BMPR1B: variants seen among roughly 807,000 people sequenced by gnomAD.
BMPR1B encodes the protein bone morphogenetic protein receptor type-1B.
In BMPR1B, 12 loss-of-function variants were observed where a neutral mutation model predicts 59.1. The observed-to-expected ratio is 0.20, with a 90% CI of 0.13 to 0.33. The LOEUF is 0.33. BMPR1B is among the 10% of genes least tolerant of loss of function. The pLI, the probability that BMPR1B is intolerant of heterozygous loss-of-function variation, is 1.00. For synonymous variants in BMPR1B, 237 were observed against 207.3 expected, an observed-to-expected ratio of 1.14 and a Z score of -1.23; for missense variants, 550 against 610.9, an observed-to-expected ratio of 0.90 and a Z score of 1.05.
intron 3 of BMPR1B, among the ~76,000 whole-genome samples, chr4:95,067,587 T>C (rs1196970588): frequency 6.6e-6 from 1 of 152,186 alleles, no homozygotes; most frequent in Admixed American, 6.5e-5. Context: ...TGAACAGCAT[T>C]AACAAAATAT....
intron 3 of BMPR1B, among the ~76,000 whole-genome samples, chr4:95,101,891 A>G (rs1730851038): frequency 6.6e-6 from 1 of 152,174 alleles, no homozygotes; most frequent in South Asian, 2.1e-4. Context: ...CTTTTATTTT[A>G]GTGTCTCCTC....
chr4:95,024,292 T>G (rs1724200664), intron 3 of BMPR1B, among the ~76,000 whole-genome samples: 1 of 152,212 alleles, frequency 6.6e-6, no homozygotes, highest in African/African-American at 2.4e-5. Context: ...AAATTATTGA[T>G]CTTGACAATT....
intron 3 of BMPR1B, among the ~76,000 whole-genome samples, chr4:95,038,961 C>T (rs887777098): frequency 6.6e-6 from 1 of 152,148 alleles, no homozygotes; most frequent in Admixed American, 6.5e-5. Flanking sequence ...TAACTCACTG[C>T]TTGACTAAAT....
chr4:94,805,317 CAG>C (rs1449641304), intron 1 of BMPR1B, among the ~76,000 whole-genome samples: 1 of 151,398 alleles, frequency 6.6e-6, no homozygotes, highest in Non-Finnish European at 1.5e-5. Context: ...CACTGACACT[CAG>C]GGAATCTGAT....
intron 1 of BMPR1B, among the ~76,000 whole-genome samples, chr4:94,768,452 AT>A (rs1404082296): frequency 6.6e-6 from 1 of 152,150 alleles, no homozygotes; most frequent in East Asian, 1.9e-4. Flanking sequence ...TCCTAACAAT[AT>A]AGGAATGTTC....
At chr4:94,977,054 G>C (rs1049359801) in intron 2 of BMPR1B, among the ~76,000 whole-genome samples, 4 of 152,074 alleles carry the variant, frequency 2.6e-5, no homozygotes, top group Admixed American at 1.3e-4. Flanking sequence ...TCAGTTCCAG[G>C]TGTTACAGTT....
intron 1 of BMPR1B, among the ~76,000 whole-genome samples, chr4:94,762,643 C>T (rs1302325041): frequency 6.6e-6 from 1 of 152,088 alleles, no homozygotes; most frequent in Non-Finnish European, 1.5e-5. Context: ...CTGTTGAACA[C>T]CCTGGAGGAT....
intron 9 of BMPR1B, among the ~76,000 whole-genome samples, 176 bp from the exon 10 acceptor site, chr4:95,131,039 C>A (rs910861707): frequency 1.3e-5 from 2 of 151,982 alleles, no homozygotes; most frequent in Non-Finnish European, 2.9e-5. Context: ...CTTACTTGTA[C>A]AATTTTGATT....
intron 2 of BMPR1B, among the ~76,000 whole-genome samples, chr4:94,992,325 A>T (rs1721806855): frequency 6.6e-6 from 1 of 152,208 alleles, no homozygotes; most frequent in African/African-American, 2.4e-5. Context: ...ATCCGTCCTG[A>T]GTTTGTGAGT....
chr4:94,854,985 T>G (rs1725701640), intron 1 of BMPR1B, among the ~76,000 whole-genome samples: 1 of 152,212 alleles, frequency 6.6e-6, no homozygotes, highest in South Asian at 2.1e-4. Flanking sequence ...ATTCACATTC[T>G]TTTATTCCAG....
intron 1 of BMPR1B, among the ~76,000 whole-genome samples, chr4:94,843,926 A>G (rs1023167821): frequency 6.6e-6 from 1 of 152,176 alleles, no homozygotes; most frequent in African/African-American, 2.4e-5. Flanking sequence ...TAAACCAGAA[A>G]CTTCTAAGAC....
intron 3 of BMPR1B, among the ~76,000 whole-genome samples, chr4:95,104,010 A>G (rs1018071148): frequency 6.6e-6 from 1 of 152,098 alleles, no homozygotes; most frequent in South Asian, 2.1e-4. Context: ...TCTATAGTCT[A>G]TCCATTATCT....
At chr4:94,875,215 A>G (rs1726673745) in intron 1 of BMPR1B, among the ~76,000 whole-genome samples, 1 of 152,216 alleles carries the variant, frequency 6.6e-6, no homozygotes, top group South Asian at 2.1e-4. Context: ...TTGAGGTGCT[A>G]TAGTAAAAAG....
chr4:95,017,761 G>T (rs983953231), intron 3 of BMPR1B, among the ~76,000 whole-genome samples: 1 of 152,064 alleles, frequency 6.6e-6, no homozygotes, highest in Non-Finnish European at 1.5e-5. Flanking sequence ...GGGAAATTTG[G>T]GTCTTGAAAT....
chr4:94,759,961 C>G (rs1474746376), intron 1 of BMPR1B, among the ~76,000 whole-genome samples: 1 of 152,126 alleles, frequency 6.6e-6, no homozygotes, highest in East Asian at 1.9e-4. Context: ...AAAATATGGC[C>G]TAGAGCTACA....
chr4:95,131,170 T>C (rs1560678037), intron 9 of BMPR1B, 45 bp from the exon 10 acceptor site: 1 of 1,550,384 alleles, frequency 6.5e-7, no homozygotes, highest in Non-Finnish European at 8.9e-7. Context: ...TTATTCCTGA[T>C]ACTATTTGGA....
At chr4:94,922,941 T>G (rs1240343270) in intron 2 of BMPR1B, among the ~76,000 whole-genome samples, 1 of 152,158 alleles carries the variant, frequency 6.6e-6, no homozygotes, top group Non-Finnish European at 1.5e-5. Flanking sequence ...TTCTCTTTAT[T>G]TTGAGTTCCG....
At chr4:94,970,629 A>G (rs1730756263) in intron 2 of BMPR1B, among the ~76,000 whole-genome samples, 1 of 152,002 alleles carries the variant, frequency 6.6e-6, no homozygotes, top group Admixed American at 6.6e-5. Context: ...TTTCTGTTTT[A>G]AAGTTTTTTT....
intron 2 of BMPR1B, among the ~76,000 whole-genome samples, chr4:94,973,948 A>G (rs950880851): frequency 6.6e-6 from 1 of 152,306 alleles, no homozygotes; most frequent in South Asian, 2.1e-4. Flanking sequence ...AGTGGTTACA[A>G]TGTCGACATT....
Sources: allele counts gnomAD v4.1 joint callset (sites outside exome capture counted in the v4.1 genomes callset), GRCh38; gene constraint gnomAD v4.1.1; transcripts MANE v1.5; gene names NCBI Gene and HGNC (gene_info 2026-07-23, HGNC 2026-07-21).